The following CYP2J2 variants were observed in gnomAD, a reference collection of about 807,000 sequenced individuals.
The protein encoded by CYP2J2 is cytochrome P450 2J2.
CYP2J2 carries 41 observed loss-of-function variants against 48.8 expected under a neutral mutation model. The observed-to-expected ratio is 0.84, with a 90% CI of 0.66 to 1.09. The LOEUF (loss-of-function observed/expected upper bound fraction) is 1.09. Ranked by LOEUF, CYP2J2 falls within the 50% of genes least tolerant of loss-of-function variation. The pLI is 0.00. For missense variants in CYP2J2, 644 were observed against 617.3 expected, an observed-to-expected ratio of 1.04 and a Z score of -0.46; for synonymous variants, 221 against 227.1, an observed-to-expected ratio of 0.97 and a Z score of 0.24.
At chr1:59,936,356 AT>A in the CYP2J2 span, among the ~76,000 whole-genome samples, 1 of 152,284 alleles carries the variant, frequency 6.6e-6, no homozygotes, top group East Asian at 1.9e-4. Flanking sequence ...TCAGGAGTGA[AT>A]TCCTTTACCC....
chr1:59,931,838 C>A, the CYP2J2 span, among the ~76,000 whole-genome samples: 5 of 151,972 alleles, frequency 3.3e-5, no homozygotes, highest in South Asian at 8.3e-4. Flanking sequence ...ATTTCCCAAG[C>A]AACAATGATA....
At chr1:59,900,669 C>T (rs1221101342) in intron 8 of CYP2J2, among the ~76,000 whole-genome samples, 1 of 152,136 alleles carries the variant, frequency 6.6e-6, no homozygotes, top group Non-Finnish European at 1.5e-5. Context: ...ACCTAATCCT[C>T]TTTGTGAGCT....
the CYP2J2 span, among the ~76,000 whole-genome samples, chr1:59,961,270 C>T: frequency 6.6e-6 from 1 of 152,024 alleles, no homozygotes; most frequent in Admixed American, 6.6e-5. Context: ...AAAGAAGTCA[C>T]ATAACTCAAT....
At chr1:59,908,153 A>C (rs1425694185) in intron 5 of CYP2J2, among the ~76,000 whole-genome samples, 2 of 152,178 alleles carry the variant, frequency 1.3e-5, no homozygotes, top group Non-Finnish European at 2.9e-5. Context: ...AATCAAGACA[A>C]TTATTTTCTT....
At chr1:59,905,946 G>A (rs1644361107) in intron 6 of CYP2J2, among the ~76,000 whole-genome samples, 1 of 152,148 alleles carries the variant, frequency 6.6e-6, no homozygotes, top group African/African-American at 2.4e-5. Context: ...CAGCACTTTG[G>A]GAGGCCAACG....
intron 8 of CYP2J2, among the ~76,000 whole-genome samples, chr1:59,896,052 T>C (rs1464650342): frequency 1.3e-5 from 2 of 152,210 alleles, no homozygotes; most frequent in African/African-American, 4.8e-5. Flanking sequence ...TTTCCTGACT[T>C]TGGGCACAAC....
chr1:59,912,079 A>T, intron 3 of CYP2J2, 83 bp downstream of exon 3: 3 of 1,411,974 alleles, frequency 2.1e-6, no homozygotes. Flanking sequence ...TGGGCATAGA[A>T]CAAGCACTTA....
intron 2 of CYP2J2, among the ~76,000 whole-genome samples, chr1:59,913,467 A>G (rs1200324151): frequency 6.6e-6 from 1 of 152,080 alleles, no homozygotes; most frequent in African/African-American, 2.4e-5. Flanking sequence ...CCATGATTGA[A>G]CTCACAGTTT....
the CYP2J2 span, among the ~76,000 whole-genome samples, chr1:59,968,946 T>C: frequency 3.3e-5 from 5 of 152,190 alleles, no homozygotes; most frequent in Non-Finnish European, 1.5e-5. Flanking sequence ...TTCTTCCTTC[T>C]GGTGGGTTAT....
At chr1:59,941,438 A>G in the CYP2J2 span, among the ~76,000 whole-genome samples, 2 of 152,226 alleles carry the variant, frequency 1.3e-5, no homozygotes, top group African/African-American at 2.4e-5. Flanking sequence ...TATGTACAGT[A>G]CATAATGCTT....
At chr1:59,968,686 G>A in the CYP2J2 span, among the ~76,000 whole-genome samples, 1 of 152,230 alleles carries the variant, frequency 6.6e-6, no homozygotes, top group African/African-American at 2.4e-5. Context: ...GGGTGGACAT[G>A]TGTAAAAGGC....
At chr1:59,913,558 C>T (rs1340894193) in intron 2 of CYP2J2, among the ~76,000 whole-genome samples, 1 of 152,168 alleles carries the variant, frequency 6.6e-6, no homozygotes, top group African/African-American at 2.4e-5. Context: ...CCATCATCTA[C>T]CCATTTGAGT....
chr1:59,901,490 C>A (rs1029773641), intron 7 of CYP2J2, among the ~76,000 whole-genome samples: 1 of 152,182 alleles, frequency 6.6e-6, no homozygotes, highest in Non-Finnish European at 1.5e-5. Flanking sequence ...GAAGCTATAA[C>A]GATGGCAGCT....
the CYP2J2 span, among the ~76,000 whole-genome samples, chr1:59,950,232 G>A: frequency 1.3e-5 from 2 of 152,160 alleles, no homozygotes; most frequent in African/African-American, 2.4e-5. Flanking sequence ...TAGGTATGAC[G>A]GAAGGAGACA....
intron 7 of CYP2J2, 141 bp downstream of exon 7, chr1:59,904,730 T>A: frequency 1.4e-6 from 1 of 690,796 alleles, no homozygotes; most frequent in South Asian, 2.0e-5. Context: ...AGACTACACA[T>A]GGAGAAAATC....
the CYP2J2 span, among the ~76,000 whole-genome samples, chr1:59,941,636 T>A: frequency 6.6e-6 from 1 of 152,196 alleles, no homozygotes; most frequent in East Asian, 1.9e-4. Context: ...GCCCTGAAGA[T>A]CTTCCAGTGG....
the CYP2J2 span, among the ~76,000 whole-genome samples, chr1:59,941,873 TA>T: frequency 7.9e-5 from 12 of 152,184 alleles, no homozygotes; most frequent in Non-Finnish European, 1.5e-4. Flanking sequence ...TCAACAAATT[TA>T]AAAGTTTATA....
Position 59,903,389 on chromosome 1 carries a change from G to A in CYP2J2, c.1191+1482C>T, listed in dbSNP as rs76939633. On this transcript the variant is annotated intron_variant, in intron 7 of 8. Transcript: ENST00000371204. ...TGTCTGCAGAGATCCTAAGAGTGGCGAATGGAGTGACATCAGAATTCTGTT... is the reference window on the plus strand; with the variant it reads ...TGTCTGCAGAGATCCTAAGAGTGGCAAATGGAGTGACATCAGAATTCTGTT... 1.3e-4 allele frequency among the ~76,000 whole-genome samples: 20 copies of A among 152,308 alleles called. No individual in the cohort carries two copies. The East Asian group carries it at 3.3e-3, about 25-fold the overall frequency.
the CYP2J2 span, among the ~76,000 whole-genome samples, chr1:59,959,696 C>T: frequency 1.3e-5 from 2 of 151,710 alleles, no homozygotes; most frequent in African/African-American, 4.9e-5. Context: ...TGTATACACA[C>T]CATGGACTAC....
Sources: gnomAD v4.1 joint callset for allele counts (sites outside exome capture counted in the v4.1 genomes callset) on GRCh38, gnomAD v4.1.1 for gene constraint, MANE v1.5 for transcripts, NCBI Gene and HGNC (gene_info 2026-07-23, HGNC 2026-07-21) for gene names.